Variants in BICC1 observed in about 807,000 individuals in gnomAD.
BICC1 encodes BicC family RNA binding protein 1.
In BICC1, 43 loss-of-function variants were observed where a neutral mutation model predicts 111.0. The observed-to-expected ratio is 0.39, with a 90% confidence interval of 0.30 to 0.50. BICC1 has a LOEUF of 0.50. BICC1 is among the 20% of genes least tolerant of loss of function. The probability of loss-of-function intolerance (pLI) is 0.88; values close to 1 mark genes in which losing one functional copy is unlikely to be tolerated. For missense variants in BICC1, 1,091 were observed against 1,203.2 expected, an observed-to-expected ratio of 0.91 and a Z score of 1.38; for synonymous variants, 467 against 434.4, an observed-to-expected ratio of 1.07 and a Z score of -0.93.
chr10:58,745,626 AT>A (rs1564589206), intron 3 of BICC1, among the ~76,000 whole-genome samples: 1 of 104,278 alleles, frequency 9.6e-6, no homozygotes, highest in Non-Finnish European at 1.7e-5. Context: ...TTTTTTTCTG[AT>A]GGCTCCATTC....
At chr10:58,649,499 T>G (rs1237180199) in intron 2 of BICC1, among the ~76,000 whole-genome samples, 1 of 152,152 alleles carries the variant, frequency 6.6e-6, no homozygotes, top group African/African-American at 2.4e-5. Context: ...GATACCGATT[T>G]TCTCATGTTA....
intron 1 of BICC1, among the ~76,000 whole-genome samples, chr10:58,569,395 C>CT (rs1167185092): frequency 6.6e-6 from 1 of 152,068 alleles, no homozygotes; most frequent in Non-Finnish European, 1.5e-5. Context: ...AATGGAATGT[C>CT]TTTTTAAAAA....
intron 3 of BICC1, among the ~76,000 whole-genome samples, chr10:58,751,612 T>C (rs1415403756): frequency 6.6e-6 from 1 of 152,164 alleles, no homozygotes; most frequent in Non-Finnish European, 1.5e-5. Context: ...GCAGATAATA[T>C]TACTGGAGAA....
At chr10:58,658,411 A>G (rs1330101771) in intron 2 of BICC1, among the ~76,000 whole-genome samples, 3 of 151,774 alleles carry the variant, frequency 2.0e-5, no homozygotes, top group Admixed American at 6.6e-5. Context: ...CTGTTCTCGA[A>G]CTCCTGATCT....
At chr10:58,626,929 A>G (rs1837648643) in intron 2 of BICC1, among the ~76,000 whole-genome samples, 1 of 152,006 alleles carries the variant, frequency 6.6e-6, no homozygotes, top group African/African-American at 2.4e-5. Context: ...ACATGGAGAA[A>G]CCCCGTCTCT....
chr10:58,766,345 G>A (rs1842455473), intron 3 of BICC1, among the ~76,000 whole-genome samples: 1 of 152,116 alleles, frequency 6.6e-6, no homozygotes, highest in African/African-American at 2.4e-5. Flanking sequence ...ATAACATATT[G>A]GAAGAATGAC....
chr10:58,820,976 C>T (rs1166725259), intron 20 of BICC1, among the ~76,000 whole-genome samples: 1 of 152,100 alleles, frequency 6.6e-6, no homozygotes, highest in African/African-American at 2.4e-5. Flanking sequence ...AGTCACAGGA[C>T]ATAGTATCCT....
chr10:58,584,621 A>G (rs1319778764), intron 1 of BICC1, among the ~76,000 whole-genome samples: 1 of 152,184 alleles, frequency 6.6e-6, no homozygotes, highest in South Asian at 2.1e-4. Context: ...CGTGAGTACA[A>G]TAATGTATAT....
chr10:58,681,793 G>A lies in BICC1; in HGVS notation c.238-20281G>A, dbSNP rs904866137. ...GAGGTGTCCAGAGTTTCTTCCTTCC[G>A]GTGGTTTCGTGGTCTTGCTGACTTC... On this transcript the variant is annotated intron_variant, in intron 2 of 20. Transcript: ENST00000373886. Among the ~76,000 whole-genome samples the A allele has an allele frequency of 5.3e-5, 8 of 152,190 alleles. No homozygotes were observed. In the East Asian group the frequency reaches 7.7e-4, roughly 15 times the overall value.
chr10:58,562,478 T>C (rs1339977500), intron 1 of BICC1, among the ~76,000 whole-genome samples: 1 of 152,102 alleles, frequency 6.6e-6, no homozygotes, highest in Admixed American at 6.5e-5. Flanking sequence ...TTCTTTTTTA[T>C]ATCTATTTGT....
At chr10:58,802,838 T>C (rs1352954921) in intron 14 of BICC1, among the ~76,000 whole-genome samples, 1 of 152,170 alleles carries the variant, frequency 6.6e-6, no homozygotes, top group East Asian at 1.9e-4. Flanking sequence ...AGTGCCCAAT[T>C]TCAAATTCCA....
At chr10:58,602,397 T>TA (rs1431452915) in intron 1 of BICC1, among the ~76,000 whole-genome samples, 1 of 152,174 alleles carries the variant, frequency 6.6e-6, no homozygotes, top group East Asian at 1.9e-4. Flanking sequence ...CAAAGACTAT[T>TA]ACCTAAAAAT....
chr10:58,770,627 A>G (rs538776898), intron 3 of BICC1, among the ~76,000 whole-genome samples: 1 of 152,340 alleles, frequency 6.6e-6, no homozygotes, highest in East Asian at 1.9e-4. Flanking sequence ...AACTAATATA[A>G]GACATTTTAT....
At chr10:58,550,383 G>T (rs1179104166) in intron 1 of BICC1, among the ~76,000 whole-genome samples, 1 of 152,012 alleles carries the variant, frequency 6.6e-6, no homozygotes, top group Non-Finnish European at 1.5e-5. Flanking sequence ...CCGAATCTTT[G>T]GTTTGTCATT....
In BICC1 at chr10:58,828,834, T is replaced by G; in HGVS notation, c.2868T>G (p.Ser956Arg). The change falls in exon 21 of 21, where the codon AGT becomes AGG. Residue 956 changes from serine to arginine, a missense_variant. By Grantham distance (110) the Ser-to-Arg change is moderately radical. Around this residue, in one of 3 missense-constraint regions of BICC1, gnomAD observed 231 missense variants for 256.2 expected, o/e 0.90. Transcript: ENST00000373886. ...CCTCTTTCCTGGAAGGTGGAGCGAGTGGAAGGCTACCCCGTCAGTATCACT... is the reference window on the plus strand; with the variant it reads ...CCTCTTTCCTGGAAGGTGGAGCGAGGGGAAGGCTACCCCGTCAGTATCACT... ...ARTSFLEGGASGRLPRQYHSD... is the reference protein window; with the variant it reads ...ARTSFLEGGARGRLPRQYHSD... 6.2e-7 allele frequency: 1 copy of G among 1,613,836 alleles called. No homozygotes were observed. Among genetic ancestry groups the G allele is most frequent in the Non-Finnish European group, 8.5e-7 (1 of 1,179,880 alleles).
At chr10:58,578,575 GAT>G (rs1376234979) in intron 1 of BICC1, among the ~76,000 whole-genome samples, 3 of 152,158 alleles carry the variant, frequency 2.0e-5, no homozygotes, top group African/African-American at 7.2e-5. Context: ...AAGCACAGTG[GAT>G]ATGATTGACT....
At chr10:58,589,358 A>G (rs1034141858) in intron 1 of BICC1, among the ~76,000 whole-genome samples, 3 of 152,186 alleles carry the variant, frequency 2.0e-5, no homozygotes, top group African/African-American at 4.8e-5. Flanking sequence ...ACCATTTCAC[A>G]TAAGAGGAAA....
At chr10:58,617,590 A>G (rs115567811) in intron 1 of BICC1, among the ~76,000 whole-genome samples, 2 of 152,256 alleles carry the variant, frequency 1.3e-5, no homozygotes, top group Non-Finnish European at 2.9e-5. Flanking sequence ...TACTGACGCC[A>G]TATGGTTTGA....
At chr10:58,667,811 C>T (rs1400096240) in intron 2 of BICC1, among the ~76,000 whole-genome samples, 1 of 151,986 alleles carries the variant, frequency 6.6e-6, no homozygotes, top group East Asian at 1.9e-4. Context: ...CTTGGAGAAG[C>T]CAGGACTGGA....
Sources: gnomAD v4.1 joint callset for allele counts (sites outside exome capture counted in the v4.1 genomes callset) on GRCh38, gnomAD v4.1.1 for gene constraint, gnomAD v4.1.1 regional missense constraint, MANE v1.5 for transcripts, NCBI Gene and HGNC (gene_info 2026-07-23, HGNC 2026-07-21) for gene names.